ZPLD1: variants seen among roughly 807,000 people sequenced by gnomAD.
ZPLD1 encodes zona pellucida-like domain-containing protein 1.
A neutral mutation model predicts 47.2 loss-of-function variants in ZPLD1; 34 were observed. The ratio of observed to expected loss-of-function variants is 0.72; its 90% CI spans 0.55 to 0.96. ZPLD1 has a LOEUF of 0.96. Among genes scored for constraint, ZPLD1 ranks in the 40% least tolerant of loss-of-function variants. ZPLD1 has a pLI of 0.00. For missense variants in ZPLD1, 512 were observed against 505.8 expected (o/e 1.01, Z -0.12); for synonymous variants, 176 against 186.2 (o/e 0.95, Z 0.45).
chr3:102,456,547 ATC>A (rs1553712693), intron 5 of ZPLD1, among the ~76,000 whole-genome samples, 173 bp downstream of exon 5: 14 of 62,528 alleles, frequency 2.2e-4, no homozygotes, highest in Non-Finnish European at 4.2e-4. Context: ...TATCTATTAT[ATC>A]TATCTATCTA....
intron 3 of ZPLD1, among the ~76,000 whole-genome samples, chr3:102,451,984 A>G (rs2107334744): frequency 6.6e-6 from 1 of 152,254 alleles, no homozygotes; most frequent in African/African-American, 2.4e-5. Context: ...TTCAACCTAT[A>G]GCAATTACCA....
At chr3:102,423,001 G>A (rs77235562) in intron 8 of ZPLD1, among the ~76,000 whole-genome samples, 2 of 152,150 alleles carry the variant, frequency 1.3e-5, no homozygotes, top group East Asian at 3.9e-4. Context: ...ATTTGATCAG[G>A]AAAGAGCCAC....
chr3:102,430,442 T>C (rs1707003280), upstream of ZPLD1, among the ~76,000 whole-genome samples: 1 of 152,228 alleles, frequency 6.6e-6, no homozygotes. Context: ...ACTCCCTCTG[T>C]CTATAGTCTA....
At position 102,435,059 on chromosome 3, in the gene ZPLD1, CA is replaced by C. The variant is rs1340380024; in HGVS notation, c.-217del. ...CCCCCAATCCCATACAATTCAATTTCAGAAAAGTATTTAGGGACTGTGCTAA... is the reference window on the plus strand; with the variant it reads ...CCCCCAATCCCATACAATTCAATTTCGAAAAGTATTTAGGGACTGTGCTAA... On this transcript the variant is annotated 5_prime_UTR_variant, in exon 1 of 12. Coordinates refer to ENST00000466937, the MANE Select transcript of ZPLD1 (RefSeq NM_001329788.2). 1 of 1,594,726 alleles carries C rather than the reference CA, an allele frequency of 6.3e-7. No homozygotes were observed. Among genetic ancestry groups the C allele is most frequent in the African/African-American group, 1.3e-5 (1 of 74,522 alleles).
At chr3:102,443,994 C>G (rs910780527) in intron 3 of ZPLD1, among the ~76,000 whole-genome samples, 8 of 152,218 alleles carry the variant, frequency 5.3e-5, no homozygotes, top group Non-Finnish European at 8.8e-5. Context: ...ATCCAGGCAG[C>G]TATTGCTGAT....
Position 102,452,962 on chromosome 3 carries a change from G to C in ZPLD1, c.150G>C (p.Thr50=). The C allele has an allele frequency of 1.2e-6, 2 of 1,614,016 alleles. No homozygotes were observed. The highest frequency in any genetic ancestry group is 1.7e-6 in the Non-Finnish European group (2 of 1,179,970). ...TCTATTGTGGAGTGCAGGCTATTACGATGAAGATTAATTTTTGCACGGTAC... is the reference window on the plus strand; with the variant it reads ...TCTATTGTGGAGTGCAGGCTATTACCATGAAGATTAATTTTTGCACGGTAC... The part of the protein sequence containing the change: ...ISVYCGVQAI[T]MKINFCTVLF... Residue 50 remains threonine (T), a synonymous_variant, in exon 4 of 12, where the codon ACG becomes ACC. Coordinates refer to ENST00000466937, the MANE Select transcript of ZPLD1 (RefSeq NM_001329788.2).
At chr3:102,457,402 C>T (rs150778498) in intron 5 of ZPLD1, among the ~76,000 whole-genome samples, 3 of 152,220 alleles carry the variant, frequency 2.0e-5, no homozygotes, top group Non-Finnish European at 4.4e-5. Flanking sequence ...TACTATTTAC[C>T]ATCCAATGTT....
chr3:102,468,675 G>T (rs1350148641), intron 8 of ZPLD1, among the ~76,000 whole-genome samples: 2 of 152,122 alleles, frequency 1.3e-5, no homozygotes, highest in African/African-American at 4.8e-5. Flanking sequence ...GATCACCTCT[G>T]GCAGGTTTCT....
chr3:102,459,085 G>A (rs1175018550), intron 6 of ZPLD1, among the ~76,000 whole-genome samples: 8 of 82,806 alleles, frequency 9.7e-5, no homozygotes, highest in African/African-American at 3.0e-4. Context: ...GCGAGACTCC[G>A]TCTCAAAAAA....
intron 6 of ZPLD1, among the ~76,000 whole-genome samples, chr3:102,461,045 T>C (rs1395892156): frequency 1.3e-5 from 2 of 152,020 alleles, no homozygotes; most frequent in Non-Finnish European, 2.9e-5. Flanking sequence ...TATATTTGGC[T>C]TTATTTGGCA....
intron 3 of ZPLD1, among the ~76,000 whole-genome samples, chr3:102,445,666 A>G (rs1479748362): frequency 6.6e-6 from 1 of 152,212 alleles, no homozygotes; most frequent in Non-Finnish European, 1.5e-5. Flanking sequence ...GTAAAGTATA[A>G]GAAGTGCTGG....
intron 3 of ZPLD1, among the ~76,000 whole-genome samples, chr3:102,448,412 T>A (rs961788075): frequency 2.0e-5 from 3 of 152,180 alleles, no homozygotes; most frequent in Admixed American, 6.5e-5. Flanking sequence ...AAAAACTCTC[T>A]CTCCTTTTGG....
intron 8 of ZPLD1, among the ~76,000 whole-genome samples, chr3:102,467,369 A>C (rs1425239466): frequency 6.6e-6 from 1 of 152,136 alleles, no homozygotes; most frequent in Non-Finnish European, 1.5e-5. Flanking sequence ...AAATACAAAA[A>C]GATAAGCCGG....
At chr3:102,463,968 T>G (rs1707550269) in intron 7 of ZPLD1, among the ~76,000 whole-genome samples, 1 of 151,378 alleles carries the variant, frequency 6.6e-6, no homozygotes, top group Admixed American at 6.6e-5. Flanking sequence ...GAGAATGTCG[T>G]GAACCCAGGA....
At position 102,419,380 on chromosome 3, in the gene ZPLD1, T is replaced by C. The variant is rs186759754; in HGVS notation, c.-9+1173T>C. Among the ~76,000 whole-genome samples the C allele has an allele frequency of 2.6e-3, 399 of 152,016 alleles. 3 individuals are homozygous for C. Among genetic ancestry groups the C allele is most frequent in the Non-Finnish European group, 3.6e-3 (245 of 67,890 alleles). ...TTAGCTAAATATAAAAATCTAAAAATGTGTTGTATATATTTTTGTTTTAGA... is the reference window on the plus strand; with the variant it reads ...TTAGCTAAATATAAAAATCTAAAAACGTGTTGTATATATTTTTGTTTTAGA... On this transcript the variant is annotated intron_variant, in intron 8 of 17. Coordinates refer to the ZPLD1 transcript ENST00000491959.
chr3:102,429,325 C>T (rs1480811590), intron 8 of ZPLD1, among the ~76,000 whole-genome samples: 1 of 152,128 alleles, frequency 6.6e-6, no homozygotes, highest in Non-Finnish European at 1.5e-5. Flanking sequence ...AATAACTTGT[C>T]ATGCCACTTT....
chr3:102,446,639 G>C (rs1462140805), intron 3 of ZPLD1, among the ~76,000 whole-genome samples: 1 of 152,196 alleles, frequency 6.6e-6, no homozygotes, highest in East Asian at 1.9e-4. Flanking sequence ...CTACACATCA[G>C]TGACATCCCT....
intron 6 of ZPLD1, among the ~76,000 whole-genome samples, chr3:102,388,455 C>CTGTGTGTGTGTG: frequency 7.4e-6 from 1 of 135,494 alleles, no homozygotes; most frequent in East Asian, 2.0e-4. Context: ...CTCTCTCTGT[C>CTGTGTGTGTGTG]TGTGTGTGTG....
At chr3:102,404,934 T>C (rs1576128050) in intron 7 of ZPLD1, among the ~76,000 whole-genome samples, 1 of 151,954 alleles carries the variant, frequency 6.6e-6, no homozygotes, top group East Asian at 1.9e-4. Flanking sequence ...CTCAGAGACA[T>C]TCCCCACAGA....
Sources: allele counts gnomAD v4.1 joint callset (sites outside exome capture counted in the v4.1 genomes callset), GRCh38; gene constraint gnomAD v4.1.1; transcripts MANE v1.5; gene names NCBI Gene and HGNC (gene_info 2026-07-23, HGNC 2026-07-21).